The following LRP6 variants were observed in gnomAD, a reference collection of about 807,000 sequenced individuals.
LRP6 encodes the protein low-density lipoprotein receptor-related protein 6.
In LRP6, 43 loss-of-function variants were observed where a neutral mutation model predicts 184.1. The observed-to-expected ratio is 0.23, with a 90% CI of 0.18 to 0.30. LRP6 has a LOEUF of 0.30. Among genes scored for constraint, LRP6 ranks in the 10% least tolerant of loss-of-function variants. The pLI, the probability that LRP6 is intolerant of heterozygous loss-of-function variation, is 1.00. For synonymous variants in LRP6, 719 were observed against 684.9 expected (o/e 1.05, Z -0.78); for missense variants, 1,571 against 2,005.3 (o/e 0.78, Z 4.14).
At chr12:12,245,992 T>A (rs1445613896) in intron 1 of LRP6, among the ~76,000 whole-genome samples, 6 of 132,018 alleles carry the variant, frequency 4.5e-5, no homozygotes, top group Non-Finnish European at 9.6e-5. Flanking sequence ...TAATTTTATA[T>A]AAACTTTTTT....
Position 12,131,722 on chromosome 12 carries a change from G to A in LRP6, c.3970+99C>T. 4.1e-6 allele frequency: 4 copies of A among 973,192 alleles called. No individual in the cohort carries two copies. The South Asian group carries it at 5.1e-5, about 12-fold the overall frequency. 60.3% of individuals were successfully genotyped at this position (973,192 alleles called of 1,614,324 possible). ...AGAAGTGATACAGTCATATGTACTT[G>A]AAAAACCCCAACTGACACTAAGCCA... On this transcript the variant is annotated intron_variant, in intron 18 of 22. Transcript: ENST00000261349.
chr12:12,235,720 A>T (rs1238291520), intron 2 of LRP6, among the ~76,000 whole-genome samples: 3 of 151,810 alleles, frequency 2.0e-5, no homozygotes, highest in Non-Finnish European at 4.4e-5. Flanking sequence ...ACAAGGACAA[A>T]ACTCCGGCTC....
intron 3 of LRP6, among the ~76,000 whole-genome samples, chr12:12,195,235 C>T (rs1282627083): frequency 1.3e-5 from 2 of 152,116 alleles, no homozygotes; most frequent in Non-Finnish European, 2.9e-5. Flanking sequence ...ACTACTGGAT[C>T]ATATGGTAGT....
intron 2 of LRP6, among the ~76,000 whole-genome samples, chr12:12,238,642 T>C (rs75155789): frequency 0.041 from 6,263 of 152,196 alleles, 177 homozygotes; most frequent in Middle Eastern, 0.16. Context: ...ACTAATCACG[T>C]AGAATTCTAT....
intron 3 of LRP6, among the ~76,000 whole-genome samples, chr12:12,191,307 A>G (rs1449007850): frequency 6.6e-6 from 1 of 152,218 alleles, no homozygotes; most frequent in East Asian, 1.9e-4. Flanking sequence ...AAAAGTGTGC[A>G]TGATTGGTAC....
At chr12:12,130,994 A>G in intron 18 of LRP6, 101 bp from the exon 19 acceptor site, 2 of 721,360 alleles carry the variant, frequency 2.8e-6, no homozygotes, top group Non-Finnish European at 5.0e-6. Context: ...TGAAAAACAA[A>G]TTAGACTTTT....
intron 2 of LRP6, among the ~76,000 whole-genome samples, chr12:12,231,180 CAAAAAAA>C (rs10661340): frequency 7.2e-4 from 17 of 23,554 alleles, no homozygotes; most frequent in Admixed American, 2.4e-3. Flanking sequence ...GACTCCATCT[CAAAAAAA>C]AAAAAAAAAA....
chr12:12,131,687 CACTAT>C, intron 18 of LRP6, 129 bp downstream of exon 18: 2 of 774,052 alleles, frequency 2.6e-6, no homozygotes, highest in Non-Finnish European at 4.7e-6. Context: ...TGGAACATGG[CACTAT>C]GATCAGAAGT....
chr12:12,199,979 A>C (rs1317794361), intron 3 of LRP6, among the ~76,000 whole-genome samples: 4 of 147,718 alleles, frequency 2.7e-5, no homozygotes, highest in Non-Finnish European at 5.9e-5. Flanking sequence ...AAAAAAAAAA[A>C]AAAAAAAAAA....
At chr12:12,226,843 C>A (rs995029851) in intron 2 of LRP6, 1 of 151,906 alleles carries the variant, frequency 6.6e-6, no homozygotes, top group Non-Finnish European at 1.5e-5. Flanking sequence ...ACAACATACA[C>A]ATAATGAGAA....
intron 1 of LRP6, among the ~76,000 whole-genome samples, chr12:12,259,793 CAG>C (rs1565730167): frequency 1.3e-5 from 2 of 152,128 alleles, no homozygotes. Context: ...TCATATAAAA[CAG>C]TGTTTTATTC....
intron 9 of LRP6, 103 bp from the exon 10 acceptor site, chr12:12,162,522 T>C (rs768919513): frequency 5.9e-5 from 53 of 897,154 alleles, no homozygotes; most frequent in Non-Finnish European, 9.0e-5. Flanking sequence ...GATCCAGAAG[T>C]GCCAAGAGGC....
rs1949581410 is a variant in LRP6, at chr12:12,120,023, A to ATATG, written c.*1102_*1103insCATA. The ATATG allele has an allele frequency of 8.9e-6, 1 of 112,732 alleles. No homozygotes were observed. The highest frequency in any genetic ancestry group is 2.0e-5 in the Non-Finnish European group (1 of 49,984). 7.0% of individuals were successfully genotyped at this position (112,732 alleles called of 1,614,324 possible). On this transcript the variant is annotated 3_prime_UTR_variant, in exon 23 of 23. Transcript: ENST00000261349. ...TATATATATATATATATATATATAT[A>ATATG]TATATATATATATATATATAAATGA...
chr12:12,248,450 G>T (rs2135925399), intron 1 of LRP6, among the ~76,000 whole-genome samples: 1 of 143,790 alleles, frequency 7.0e-6, no homozygotes, highest in South Asian at 2.2e-4. Flanking sequence ...CAAATCCAGT[G>T]GTCTTTTCTC....
intron 22 of LRP6, among the ~76,000 whole-genome samples, chr12:12,121,738 A>T (rs1425645426): frequency 2.0e-5 from 3 of 152,188 alleles, no homozygotes; most frequent in Non-Finnish European, 2.9e-5. Context: ...TGACTATTCA[A>T]ATTTGTTCTG....
intron 1 of LRP6, among the ~76,000 whole-genome samples, chr12:12,252,499 A>G (rs1219620612): frequency 6.6e-6 from 1 of 152,232 alleles, no homozygotes; most frequent in Non-Finnish European, 1.5e-5. Flanking sequence ...TGTTATTAAT[A>G]GGGATATTTT....
chr12:12,242,616 A>G (rs1865094737), intron 2 of LRP6, among the ~76,000 whole-genome samples: 1 of 152,216 alleles, frequency 6.6e-6, no homozygotes, highest in Admixed American at 6.5e-5. Flanking sequence ...AGTTCTCAAC[A>G]ACCAAATTCT....
intron 1 of LRP6, among the ~76,000 whole-genome samples, chr12:12,253,057 A>G (rs557873631): frequency 1.2e-4 from 19 of 152,290 alleles, no homozygotes; most frequent in Admixed American, 5.2e-4. Flanking sequence ...TGAGGTGAGG[A>G]GTTTGAGACC....
At chr12:12,145,772 C>T (rs1176135050) in intron 15 of LRP6, among the ~76,000 whole-genome samples, 1 of 151,670 alleles carries the variant, frequency 6.6e-6, no homozygotes, top group African/African-American at 2.4e-5. Flanking sequence ...GCTGAGATTA[C>T]AGGTGCCCAC....
Sources: allele counts gnomAD v4.1 joint callset (sites outside exome capture counted in the v4.1 genomes callset), GRCh38; gene constraint gnomAD v4.1.1; transcripts MANE v1.5; gene names NCBI Gene and HGNC (gene_info 2026-07-23, HGNC 2026-07-21).